ATP10B: variants seen among roughly 807,000 people sequenced by gnomAD.
ATP10B encodes ATPase phospholipid transporting 10B (putative), also known as phospholipid-transporting ATPase VB.
In ATP10B, 122 loss-of-function variants were observed where a neutral mutation model predicts 141.2. That is an observed-to-expected ratio of 0.86 (90% CI 0.75 to 1.00). The LOEUF is 1.00. Among genes scored for constraint, ATP10B ranks in the 50% least tolerant of loss-of-function variants. The probability of loss-of-function intolerance (pLI) is 0.00; values close to 1 mark genes in which losing one functional copy is unlikely to be tolerated. For missense variants in ATP10B, 1,876 were observed against 1,825.3 expected, an observed-to-expected ratio of 1.03 and a Z score of -0.51; for synonymous variants, 685 against 692.0, an observed-to-expected ratio of 0.99 and a Z score of 0.16.
chr5:160,827,782 T>G (rs953304487), intron 1 of ATP10B, among the ~76,000 whole-genome samples: 1 of 152,232 alleles, frequency 6.6e-6, no homozygotes, highest in African/African-American at 2.4e-5. Flanking sequence ...TTCATTCACC[T>G]GCATATGGCT....
chr5:160,870,864 G>A, the ATP10B span, among the ~76,000 whole-genome samples: 1 of 144,964 alleles, frequency 6.9e-6, no homozygotes, highest in Non-Finnish European at 1.5e-5. Flanking sequence ...TGTAGGTATA[G>A]AATGAAGCAA....
rs1266123541 is a variant in ATP10B, at chr5:160,620,945, G to T, written c.1818C>A (p.Thr606=). 2 of 1,609,426 alleles carry T rather than the reference G, an allele frequency of 1.2e-6. No homozygotes were observed. The highest frequency in any genetic ancestry group is 2.2e-5 in the East Asian group (1 of 44,816). ...CCAGAGCCTTGCTTGAGGGTTTGATGGTGACCTTGTGGCCAAAGAAGGAAA... is the reference window on the plus strand; with the variant it reads ...CCAGAGCCTTGCTTGAGGGTTTGATTGTGACCTTGTGGCCAAAGAAGGAAA... The part of the protein sequence containing the change: ...STTTEPRQRV[T]IKPSSKALGT... The change falls in exon 15 of 26, where the codon ACC becomes ACA. Residue 606 remains threonine (T), a synonymous_variant. Transcript: ENST00000327245.
the ATP10B span, among the ~76,000 whole-genome samples, chr5:160,866,666 C>T: frequency 9.2e-5 from 14 of 152,136 alleles, 1 homozygote; most frequent in African/African-American, 3.1e-4. Context: ...AAGAGCAAAA[C>T]CCTGTCTCAA....
chr5:160,606,700 C>G lies in ATP10B; in HGVS notation c.3160+65G>C, dbSNP rs1013520920. The G allele has an allele frequency of 2.0e-6, 3 of 1,525,966 alleles. No homozygotes were observed. In the African/African-American group the frequency reaches 4.1e-5, roughly 21 times the overall value. 94.5% of individuals were successfully genotyped at this position (1,525,966 alleles called of 1,614,324 possible). A position where few individuals can be genotyped will look rare whatever the true frequency, so the allele number is the denominator to read the frequency against. On this transcript the variant is annotated intron_variant, in intron 19 of 25. Coordinates refer to ENST00000327245, the MANE Select transcript of ATP10B (RefSeq NM_025153.3). ...GACTTTGAGACCTGACCTCCCACCT[C>G]TGGTCCAGCCTTTCATCAGATCATC...
chr5:160,576,109 C>T (rs1275623689), intron 24 of ATP10B, among the ~76,000 whole-genome samples: 1 of 152,178 alleles, frequency 6.6e-6, no homozygotes, highest in African/African-American at 2.4e-5. Flanking sequence ...TATGTACATG[C>T]CTGAACCAAT....
chr5:160,790,121 C>T (rs1343607213), intron 1 of ATP10B, among the ~76,000 whole-genome samples: 4 of 152,150 alleles, frequency 2.6e-5, no homozygotes, highest in African/African-American at 4.8e-5. Context: ...ATTGGCTGAC[C>T]TTTGCCTAGT....
chr5:160,916,569 A>T, the ATP10B span, among the ~76,000 whole-genome samples: 1 of 152,210 alleles, frequency 6.6e-6, no homozygotes, highest in Non-Finnish European at 1.5e-5. Context: ...AGCATCGCAC[A>T]TGTTTAACTC....
At chr5:160,900,122 C>G in the ATP10B span, among the ~76,000 whole-genome samples, 2 of 152,182 alleles carry the variant, frequency 1.3e-5, no homozygotes, top group Non-Finnish European at 2.9e-5. Flanking sequence ...GTGCAGCCAT[C>G]CCAGTCACCT....
At chr5:160,654,624 C>T (rs1761352199) in intron 7 of ATP10B, among the ~76,000 whole-genome samples, 1 of 152,148 alleles carries the variant, frequency 6.6e-6, no homozygotes, top group Non-Finnish European at 1.5e-5. Context: ...CAGATGGAGA[C>T]TAAAGTGTCT....
chr5:160,648,150 C>T (rs988424664), intron 8 of ATP10B, among the ~76,000 whole-genome samples: 2 of 152,142 alleles, frequency 1.3e-5, no homozygotes, highest in African/African-American at 2.4e-5. Flanking sequence ...ATCCACATCA[C>T]GATATTCGCT....
In ATP10B at chr5:160,606,204, C is replaced by G. The variant is rs184066301; in HGVS notation, c.3160+561G>C. Among the ~76,000 whole-genome samples the G allele has an allele frequency of 9.8e-4, 149 of 152,204 alleles. 1 individual carries two copies. Among genetic ancestry groups the G allele is most frequent in the Admixed American group, 7.5e-3 (114 of 15,286 alleles). On this transcript the variant is annotated intron_variant, in intron 19 of 25. Coordinates refer to ENST00000327245, the MANE Select transcript of ATP10B (RefSeq NM_025153.3). Reference sequence around the variant, plus strand: ...TAAGTGCAGTTTTCATTTCTCTGTCCCAACATGATTAAAGTTTAGCCCCCT... The same window carrying G: ...TAAGTGCAGTTTTCATTTCTCTGTCGCAACATGATTAAAGTTTAGCCCCCT...
At chr5:160,880,649 A>C in the ATP10B span, among the ~76,000 whole-genome samples, 2 of 152,220 alleles carry the variant, frequency 1.3e-5, no homozygotes, top group South Asian at 4.1e-4. Context: ...GTATATATAC[A>C]ATCAGCTGAT....
At chr5:160,866,685 C>A in the ATP10B span, among the ~76,000 whole-genome samples, 4 of 151,972 alleles carry the variant, frequency 2.6e-5, no homozygotes, top group Non-Finnish European at 5.9e-5. Context: ...AAAAACAAAA[C>A]AAAACAAAAC....
At chr5:160,867,343 G>A in the ATP10B span, among the ~76,000 whole-genome samples, 142 of 152,094 alleles carry the variant, frequency 9.3e-4, no homozygotes, top group Non-Finnish European at 7.5e-4. Context: ...AGACAACTAG[G>A]AGAACTTACT....
intron 7 of ATP10B, among the ~76,000 whole-genome samples, chr5:160,670,039 G>A (rs1290880285): frequency 6.6e-6 from 1 of 152,102 alleles, no homozygotes; most frequent in Non-Finnish European, 1.5e-5. Flanking sequence ...TTTAGGAGGG[G>A]CAGAAGGAAT....
intron 7 of ATP10B, among the ~76,000 whole-genome samples, chr5:160,651,337 C>G (rs1176979979): frequency 6.6e-6 from 1 of 151,988 alleles, no homozygotes; most frequent in African/African-American, 2.4e-5. Flanking sequence ...TTCTGTTGTA[C>G]AAACTCTTTT....
At chr5:160,855,881 TAAAA>T (rs974938043), upstream of ATP10B, among the ~76,000 whole-genome samples, 1 of 147,742 alleles carries the variant, frequency 6.8e-6, no homozygotes, top group African/African-American at 2.5e-5. Context: ...TGTAACTTTG[TAAAA>T]AAAAAAATTA....
At chr5:160,882,476 C>G in the ATP10B span, among the ~76,000 whole-genome samples, 1 of 152,040 alleles carries the variant, frequency 6.6e-6, no homozygotes. Flanking sequence ...GAGATGGGGT[C>G]TGGCCATGTT....
chr5:160,575,227 C>T lies in ATP10B; in HGVS notation c.3751-5544G>A, dbSNP rs1029647707. Among the ~76,000 whole-genome samples, 4 of 152,176 alleles carry T rather than the reference C, an allele frequency of 2.6e-5. No homozygotes were observed. In the South Asian group the frequency reaches 8.3e-4, roughly 32 times the overall value. ...AACATAGCTAAAATTTTTTTACATT[C>T]ATATTTTGTTAATTGATCCAATAAT... On this transcript the variant is annotated intron_variant, in intron 24 of 25. Coordinates refer to ENST00000327245, the MANE Select transcript of ATP10B (RefSeq NM_025153.3).
Sources: gnomAD v4.1 joint callset for allele counts (sites outside exome capture counted in the v4.1 genomes callset) on GRCh38, gnomAD v4.1.1 for gene constraint, MANE v1.5 for transcripts, NCBI Gene and HGNC (gene_info 2026-07-23, HGNC 2026-07-21) for gene names.